The following ADGRG5 variants were observed in gnomAD, a reference collection of about 807,000 sequenced individuals.
ADGRG5 encodes adhesion G protein-coupled receptor G5.
ADGRG5 carries 37 observed loss-of-function variants against 53.2 expected under a neutral mutation model. That is an observed-to-expected ratio of 0.70 (90% CI 0.53 to 0.91). The LOEUF (loss-of-function observed/expected upper bound fraction) is 0.91. Ranked by LOEUF, ADGRG5 falls within the 40% of genes least tolerant of loss-of-function variation. The pLI, the probability that ADGRG5 is intolerant of heterozygous loss-of-function variation, is 0.00. For synonymous variants in ADGRG5, 277 were observed against 290.4 expected, an observed-to-expected ratio of 0.95 and a Z score of 0.47; for missense variants, 614 against 675.8, an observed-to-expected ratio of 0.91 and a Z score of 1.01.
rs773001740 is a variant in ADGRG5, at chr16:57,563,896, G to A, written c.346G>A (p.Glu116Lys). ...RGQHAMQFPA[E>K]LTRDACKTRP... ...TCAGCACGCCATGCAGTTCCCCGCC[G>A]AGCTGACCCGGGACGCCTGCAAGAC... is the stretch of plus-strand genomic sequence containing the variant. The change falls in exon 5 of 12, where the codon GAG (glutamate) becomes AAG (lysine). Residue 116 changes from glutamate to lysine, a missense_variant. Transcript: ENST00000349457. The A allele has an allele frequency of 7.4e-6, 12 of 1,613,920 alleles. No individual in the cohort carries two copies. Among genetic ancestry groups the A allele is most frequent in the African/African-American group, 2.7e-5 (2 of 74,912 alleles).
At chr16:57,562,756 G>A (rs73547033) in intron 3 of ADGRG5, among the ~76,000 whole-genome samples, 2,055 of 152,260 alleles carry the variant, frequency 0.013, 53 homozygotes, top group African/African-American at 0.048. Context: ...CAGGGTCTAT[G>A]ACCCAAAGAC....
chr16:57,575,423 G>A lies in ADGRG5; in HGVS notation c.1487-15G>A, dbSNP rs1032813437. 1.9e-6 allele frequency: 3 copies of A among 1,612,920 alleles called. No homozygotes were observed. The highest frequency in any genetic ancestry group is 2.2e-5 in the East Asian group (1 of 44,892). On this transcript the variant is annotated splice_polypyrimidine_tract_variant and intron_variant, in intron 11 of 11. Coordinates refer to ENST00000349457, the MANE Select transcript of ADGRG5 (RefSeq NM_001304376.3). Reference sequence around the variant, plus strand: ...GCCCATGCTGCCCCGTGGAACTCCCGCCTTTCTCTTGCAGGTTTCTTCCTT... The same window carrying A: ...GCCCATGCTGCCCCGTGGAACTCCCACCTTTCTCTTGCAGGTTTCTTCCTT...
intron 1 of ADGRG5, among the ~76,000 whole-genome samples, chr16:57,550,401 AC>A (rs1287523156): frequency 3.3e-5 from 5 of 152,212 alleles, no homozygotes; most frequent in African/African-American, 4.8e-5. Flanking sequence ...TTTTTTAAAA[AC>A]ATCAGATATG....
At chr16:57,536,238 A>T in the ADGRG5 span, among the ~76,000 whole-genome samples, 1 of 142,676 alleles carries the variant, frequency 7.0e-6, no homozygotes. Flanking sequence ...GGGCCGCGGC[A>T]TTCCGGAGGC....
Position 57,576,497 on chromosome 16 carries a change from A to AC in ADGRG5, c.*963dup, listed in dbSNP as rs1480240664. 5.3e-5 allele frequency: 8 copies of AC among 152,006 alleles called. No individual in the cohort carries two copies. The highest frequency in any genetic ancestry group is 2.1e-4 in the South Asian group (1 of 4,798). 9.4% of individuals were successfully genotyped at this position (152,006 alleles called of 1,614,324 possible). A position where few individuals can be genotyped will look rare whatever the true frequency, so the allele number is the denominator to read the frequency against. On this transcript the variant is annotated 3_prime_UTR_variant, in exon 12 of 12. Transcript: ENST00000349457. ...GCCATAGTTTCAGAGAATCACCCTT[A>AC]CCCCAGACCTTCATGAGACAGTGCT...
chr16:57,566,531 A>T, intron 6 of ADGRG5, 68 bp from the exon 7 acceptor site: 1 of 1,310,306 alleles, frequency 7.6e-7, no homozygotes, highest in Non-Finnish European at 1.0e-6. Flanking sequence ...GTTGGCCCCC[A>T]GGACTCCCAG....
At chr16:57,570,290 G>A in intron 9 of ADGRG5, 128 bp from the exon 10 acceptor site, 1 of 601,254 alleles carries the variant, frequency 1.7e-6, no homozygotes, top group South Asian at 2.0e-5. Context: ...GAAGTTGGGG[G>A]CTCACAACAG....
At chr16:57,548,395 C>T (rs1431219546) in intron 1 of ADGRG5, among the ~76,000 whole-genome samples, 1 of 152,056 alleles carries the variant, frequency 6.6e-6, no homozygotes, top group African/African-American at 2.4e-5. Flanking sequence ...TGGTATAGTT[C>T]ACAGACTTCA....
chr16:57,564,928 C>T (rs1034672085), intron 5 of ADGRG5, 106 bp from the exon 6 acceptor site: 15 of 700,562 alleles, frequency 2.1e-5, no homozygotes, highest in Admixed American at 4.6e-5. Flanking sequence ...ACGCTGCACA[C>T]GTGAAAGTCT....
At chr16:57,547,245 G>A (rs1250022722) in intron 1 of ADGRG5, among the ~76,000 whole-genome samples, 1 of 152,036 alleles carries the variant, frequency 6.6e-6, no homozygotes, top group African/African-American at 2.4e-5. Context: ...AAATATAAAA[G>A]GAAGTTTTGA....
rs1365080564 is a variant in ADGRG5, at chr16:57,563,166, C to T, written c.216C>T (p.Thr72=). The change falls in exon 4 of 12, where the codon ACC becomes ACT. Residue 72 remains threonine, a synonymous_variant. Transcript: ENST00000349457. ...PGYNLTLQTP[T]IQSLAFKLSC... ...ACAACCTGACCTTGCAGACACCCACCATCCAGTCTCTGGCCTTCAAGCTGA... is the reference window on the plus strand; with the variant it reads ...ACAACCTGACCTTGCAGACACCCACTATCCAGTCTCTGGCCTTCAAGCTGA... 6 of 1,614,092 alleles carry T rather than the reference C, an allele frequency of 3.7e-6. No individual in the cohort carries two copies. Among genetic ancestry groups the T allele is most frequent in the Non-Finnish European group, 4.2e-6 (5 of 1,179,906 alleles).
chr16:57,564,252 CTTA>C (rs1178656563), intron 5 of ADGRG5, among the ~76,000 whole-genome samples: 1 of 152,078 alleles, frequency 6.6e-6, no homozygotes, highest in Admixed American at 6.5e-5. Context: ...CAAGAAGGCA[CTTA>C]TTATTCCCTG....
the ADGRG5 span, among the ~76,000 whole-genome samples, chr16:57,534,512 C>T: frequency 6.6e-6 from 1 of 152,280 alleles, no homozygotes; most frequent in South Asian, 2.1e-4. Context: ...CCAGTGTCCC[C>T]TCCCCTAGGA....
chr16:57,553,036 G>C (rs1383916374), intron 1 of ADGRG5, among the ~76,000 whole-genome samples: 1 of 152,074 alleles, frequency 6.6e-6, no homozygotes, highest in African/African-American at 2.4e-5. Context: ...ATCTTATATG[G>C]GCGCAGTTTG....
At chr16:57,571,030 G>A (rs1218655619) in intron 10 of ADGRG5, among the ~76,000 whole-genome samples, 6 of 152,200 alleles carry the variant, frequency 3.9e-5, no homozygotes, top group African/African-American at 1.4e-4. Flanking sequence ...TGGGCCTTTA[G>A]GGGCCGGGGG....
At chr16:57,562,893 A>G (rs1483396716) in intron 3 of ADGRG5, among the ~76,000 whole-genome samples, 198 bp from the exon 4 acceptor site, 5 of 152,152 alleles carry the variant, frequency 3.3e-5, no homozygotes, top group Non-Finnish European at 2.9e-5. Flanking sequence ...GGACCTGAAC[A>G]GGAGTTAATC....
At chr16:57,562,286 C>A in intron 2 of ADGRG5, 98 bp from the exon 3 acceptor site, 1 of 1,407,960 alleles carries the variant, frequency 7.1e-7, no homozygotes, top group Non-Finnish European at 9.9e-7. Context: ...GCAGGAGCTG[C>A]TTGTGAACTA....
chr16:57,564,398 C>A (rs1462826698), intron 5 of ADGRG5, among the ~76,000 whole-genome samples: 1 of 151,756 alleles, frequency 6.6e-6, no homozygotes, highest in African/African-American at 2.4e-5. Context: ...CAACCTCTGC[C>A]TCCTGGGTTC....
chr16:57,543,345 C>G (rs1469624283), intron 1 of ADGRG5, among the ~76,000 whole-genome samples: 2 of 127,352 alleles, frequency 1.6e-5, no homozygotes, highest in Non-Finnish European at 3.1e-5. Context: ...TGCAGTGGTG[C>G]GATCTCGGCT....
Sources: allele counts gnomAD v4.1 joint callset (sites outside exome capture counted in the v4.1 genomes callset), GRCh38; gene constraint gnomAD v4.1.1; transcripts MANE v1.5; gene names NCBI Gene and HGNC (gene_info 2026-07-23, HGNC 2026-07-21).